Variants in CHST9 observed in about 807,000 individuals in gnomAD.
CHST9 encodes carbohydrate sulfotransferase 9, also known as GalNAc-4-sulfotransferase 2.
A neutral mutation model predicts 44.4 loss-of-function variants in CHST9; 41 were observed. The ratio of observed to expected loss-of-function variants is 0.92; its 90% confidence interval spans 0.72 to 1.20. The LOEUF (loss-of-function observed/expected upper bound fraction) is 1.20. Among genes scored for constraint, CHST9 ranks in the 50% most tolerant of loss-of-function variants. The pLI, the probability that CHST9 is intolerant of heterozygous loss-of-function variation, is 0.00. For missense variants in CHST9, 504 were observed against 516.5 expected, an observed-to-expected ratio of 0.98 and a Z score of 0.23; for synonymous variants, 171 against 178.4, an observed-to-expected ratio of 0.96 and a Z score of 0.33.
chr18:27,033,204 T>C (rs1274144469), intron 3 of CHST9, among the ~76,000 whole-genome samples: 1 of 152,252 alleles, frequency 6.6e-6, no homozygotes, highest in African/African-American at 2.4e-5. Context: ...ATGAGGTTTC[T>C]TTGAATAGCC....
At chr18:27,018,978 G>T (rs146281151) in intron 4 of CHST9, among the ~76,000 whole-genome samples, 29 of 152,344 alleles carry the variant, frequency 1.9e-4, no homozygotes, top group African/African-American at 7.0e-4. Context: ...ATTCTCCGGA[G>T]AAACTGAGTG....
chr18:26,947,900 T>C (rs2056188549), intron 4 of CHST9, among the ~76,000 whole-genome samples: 2 of 152,192 alleles, frequency 1.3e-5, no homozygotes, highest in African/African-American at 4.8e-5. Context: ...TTACTGGATA[T>C]ATACCCAAAG....
chr18:27,073,029 G>A (rs868334815), intron 2 of CHST9, among the ~76,000 whole-genome samples: 2 of 152,138 alleles, frequency 1.3e-5, no homozygotes, highest in African/African-American at 2.4e-5. Flanking sequence ...AATTTGAGAA[G>A]CGTTGGGCTA....
At chr18:26,972,267 G>GA (rs1243858377) in intron 4 of CHST9, among the ~76,000 whole-genome samples, 1 of 140,024 alleles carries the variant, frequency 7.1e-6, no homozygotes, top group Non-Finnish European at 1.5e-5. Flanking sequence ...TGAGGCAAGA[G>GA]AATCACTTGA....
rs975386305 is a variant in CHST9, at chr18:26,916,819, G to C, written c.772C>G (p.Leu258Val). 1 of 1,613,892 alleles carries C rather than the reference G, an allele frequency of 6.2e-7. No individual in the cohort carries two copies. Among genetic ancestry groups the C allele is most frequent in the South Asian group, 1.1e-5 (1 of 91,082 alleles). Residue 258 changes from leucine to valine, a missense_variant, in exon 6 of 6, where the codon CTA becomes GTA. By Grantham distance (32) the Leu-to-Val change is conservative (BLOSUM62 1). Transcript: ENST00000618847. The part of the protein sequence containing the change: ...AVHYGKHLKK[L>V]DSFDLKGIYT... Reference sequence around the variant, plus strand: ...ATCCCTTTTAGGTCAAAGCTATCTAGCTTCTTCAAATGCTTCCCGTAGTGG... The same window carrying C: ...ATCCCTTTTAGGTCAAAGCTATCTACCTTCTTCAAATGCTTCCCGTAGTGG...
chr18:27,055,858 G>T (rs17631428), intron 2 of CHST9, among the ~76,000 whole-genome samples: 2 of 152,014 alleles, frequency 1.3e-5, no homozygotes, highest in Non-Finnish European at 2.9e-5. Flanking sequence ...AGGGATGCTT[G>T]TGAGCCATGT....
intron 1 of CHST9, among the ~76,000 whole-genome samples, chr18:27,175,488 T>C (rs2058861237): frequency 6.6e-6 from 1 of 151,986 alleles, no homozygotes; most frequent in Non-Finnish European, 1.5e-5. Context: ...ACTTTCTAAA[T>C]AAATGTAGCA....
rs776931617 is a variant in CHST9 at position 27,053,143 on chromosome 18, GAAGAA to G, written c.122-4645_122-4641del. ...GGAGGAAGAAGAGGAAGAAGAAGAA[GAAGAA>G]GAAGAAGAAGAAGAAGAAGAAGAAG... On this transcript the variant is annotated intron_variant, in intron 2 of 5. Coordinates refer to ENST00000618847, the MANE Select transcript of CHST9 (RefSeq NM_031422.6). Among the ~76,000 whole-genome samples the G allele has an allele frequency of 3.6e-3, 466 of 128,682 alleles. 5 individuals are homozygous for G. Among genetic ancestry groups the G allele is most frequent in the Middle Eastern group, 7.8e-3 (2 of 256 alleles). 84.4% of individuals were successfully genotyped at this position (128,682 alleles called of 152,430 possible). A position where few individuals can be genotyped will look rare whatever the true frequency, so the allele number is the denominator to read the frequency against.
At chr18:26,953,493 A>T (rs964752811) in intron 4 of CHST9, among the ~76,000 whole-genome samples, 1 of 152,130 alleles carries the variant, frequency 6.6e-6, no homozygotes, top group Non-Finnish European at 1.5e-5. Flanking sequence ...GAGAAATTGG[A>T]GAATATCTAG....
chr18:27,128,825 A>T lies in CHST9; in HGVS notation c.121+13864T>A, dbSNP rs149956772. Among the ~76,000 whole-genome samples the T allele has an allele frequency of 7.2e-5, 11 of 152,354 alleles. No individual in the cohort carries two copies. The East Asian group carries it at 2.1e-3, about 29-fold the overall frequency. ...TGAAGTATCTAGAATTGCAATGCTC[A>T]CAAATGGACCTAGAAGGTAGTGACT... On this transcript the variant is annotated intron_variant, in intron 2 of 5. Coordinates refer to ENST00000618847, the MANE Select transcript of CHST9 (RefSeq NM_031422.6).
At chr18:26,957,210 A>T (rs143151033) in intron 4 of CHST9, among the ~76,000 whole-genome samples, 5 of 152,336 alleles carry the variant, frequency 3.3e-5, no homozygotes, top group African/African-American at 1.2e-4. Flanking sequence ...GAGAATAAAA[A>T]GGATGAGGGG....
In CHST9 at chr18:26,952,308, T is replaced by C. The variant is rs1644373; in HGVS notation, c.203-7942A>G. 98 of 517,532 alleles carry C rather than the reference T, an allele frequency of 1.9e-4. 3 individuals are homozygous for C. The highest frequency in any genetic ancestry group is 1.2e-3 in the South Asian group (84 of 71,310). The allele number at this position is 517,532 out of a possible 1,614,324, so 32.1% of individuals were successfully genotyped here. On this transcript the variant is annotated intron_variant, in intron 4 of 5. Transcript: ENST00000618847. ...GGAAACCTTTATTTTACAATCCCCA[T>C]TGTGGATCTCAACTCCACCAACTAT...
At chr18:27,107,863 A>G (rs1320505004) in intron 2 of CHST9, among the ~76,000 whole-genome samples, 1 of 152,196 alleles carries the variant, frequency 6.6e-6, no homozygotes, top group Non-Finnish European at 1.5e-5. Flanking sequence ...GGTGAAGGGC[A>G]ACTGTGGACA....
Position 27,066,321 on chromosome 18 carries a change from T to C in CHST9, c.122-17818A>G, listed in dbSNP as rs572297916. On this transcript the variant is annotated intron_variant, in intron 2 of 5. Transcript: ENST00000618847. ...TTGCTGTCCTCTCTGGACTTCCATC[T>C]CCTCATGTTCAAGGTGGAAGCAATA... Among the ~76,000 whole-genome samples the C allele has an allele frequency of 5.9e-5, 9 of 152,324 alleles. No individual in the cohort carries two copies. In the South Asian group the frequency reaches 1.7e-3, roughly 28 times the overall value.
At chr18:27,160,986 T>G (rs574891622) in intron 1 of CHST9, among the ~76,000 whole-genome samples, 1 of 152,320 alleles carries the variant, frequency 6.6e-6, no homozygotes, top group Admixed American at 6.5e-5. Flanking sequence ...TTGCGTCTAT[T>G]GGATTCTTCT....
chr18:27,059,881 C>T (rs555294852), intron 2 of CHST9, among the ~76,000 whole-genome samples: 4 of 152,222 alleles, frequency 2.6e-5, no homozygotes, highest in Middle Eastern at 3.4e-3. Context: ...TCAGGGAAGC[C>T]GATATTTCAT....
intron 4 of CHST9, among the ~76,000 whole-genome samples, chr18:26,951,491 A>G (rs963610366): frequency 6.6e-6 from 1 of 152,188 alleles, no homozygotes; most frequent in African/African-American, 2.4e-5. Flanking sequence ...GGAAAATGGC[A>G]GGAGGCTAAT....
chr18:26,983,463 T>C (rs1338570133), intron 4 of CHST9, among the ~76,000 whole-genome samples: 1 of 152,164 alleles, frequency 6.6e-6, no homozygotes, highest in Non-Finnish European at 1.5e-5. Flanking sequence ...TTGTTCCTGC[T>C]TCTCCCATGT....
At chr18:26,921,382 A>G (rs1243906323) in intron 5 of CHST9, among the ~76,000 whole-genome samples, 3 of 152,182 alleles carry the variant, frequency 2.0e-5, no homozygotes, top group Non-Finnish European at 4.4e-5. Context: ...ATTGAGTGCT[A>G]GTAAGTTTCC....
Sources: allele counts gnomAD v4.1 joint callset (sites outside exome capture counted in the v4.1 genomes callset), GRCh38; gene constraint gnomAD v4.1.1; transcripts MANE v1.5; gene names NCBI Gene and HGNC (gene_info 2026-07-23, HGNC 2026-07-21).